The following IL1R1 variants were observed in gnomAD, a reference collection of about 807,000 sequenced individuals.
IL1R1 encodes the protein interleukin-1 receptor type 1.
IL1R1 carries 22 observed loss-of-function variants against 50.2 expected under a neutral mutation model. That is an observed-to-expected ratio of 0.44 (90% CI 0.31 to 0.63). The LOEUF (loss-of-function observed/expected upper bound fraction) is 0.63. Among genes scored for constraint, IL1R1 ranks in the 20% least tolerant of loss-of-function variants. The pLI is 0.07. For synonymous variants in IL1R1, 251 were observed against 236.7 expected (o/e 1.06, Z -0.55); for missense variants, 509 against 676.2 (o/e 0.75, Z 2.74).
intron 1 of IL1R1, among the ~76,000 whole-genome samples, chr2:102,074,733 G>T (rs1678887603): frequency 6.6e-6 from 1 of 152,208 alleles, no homozygotes; most frequent in Admixed American, 6.5e-5. Flanking sequence ...TGAAGAGGTA[G>T]AAGGAATTTT....
chr2:102,119,700 G>C (rs1000462697), intron 1 of IL1R1, among the ~76,000 whole-genome samples: 3 of 149,986 alleles, frequency 2.0e-5, no homozygotes, highest in African/African-American at 7.3e-5. Context: ...TATATTTAAG[G>C]TATACAACAT....
At chr2:102,075,030 T>A (rs368492855) in intron 1 of IL1R1, among the ~76,000 whole-genome samples, 4 of 152,312 alleles carry the variant, frequency 2.6e-5, no homozygotes. Flanking sequence ...TTATGCGTAT[T>A]CTTTATACAT....
At chr2:102,171,249 T>A (rs1685648283) in intron 7 of IL1R1, among the ~76,000 whole-genome samples, 1 of 152,130 alleles carries the variant, frequency 6.6e-6, no homozygotes, top group Admixed American at 6.5e-5. Flanking sequence ...TATCTGGTGG[T>A]TTTGGGGAAA....
At chr2:102,071,146 A>C (rs191618650) in intron 1 of IL1R1, among the ~76,000 whole-genome samples, 2 of 152,324 alleles carry the variant, frequency 1.3e-5, no homozygotes, top group Admixed American at 1.3e-4. Context: ...TCCAAAGCTG[A>C]AATATATTTG....
rs376786436 is a variant in IL1R1, at chr2:102,083,722, G to C, written c.-84+13189G>C. Among the ~76,000 whole-genome samples, 6 of 152,216 alleles carry C rather than the reference G, an allele frequency of 3.9e-5. No individual in the cohort carries two copies. The East Asian group carries it at 1.2e-3, about 29-fold the overall frequency. ...GCACTTTGGGACGCCGAGGCAGGTG[G>C]ATCACGAGGTCAGGAGTTCAAGACC... is the stretch of plus-strand genomic sequence containing the variant. On this transcript the variant is annotated intron_variant, in intron 1 of 11. Transcript: ENST00000409929.
intron 1 of IL1R1, among the ~76,000 whole-genome samples, chr2:102,124,068 G>A (rs1681552220): frequency 6.6e-6 from 1 of 152,128 alleles, no homozygotes; most frequent in Admixed American, 6.6e-5. Flanking sequence ...GGTTAGACAA[G>A]GGTGCTGTGG....
chr2:102,127,549 C>G (rs539366153), intron 1 of IL1R1, among the ~76,000 whole-genome samples: 36 of 152,106 alleles, frequency 2.4e-4, no homozygotes, highest in African/African-American at 8.0e-4. Flanking sequence ...AGGGGGTAGA[C>G]AGTTAATTAA....
At chr2:102,120,752 G>A (rs573625535) in intron 1 of IL1R1, among the ~76,000 whole-genome samples, 6 of 152,298 alleles carry the variant, frequency 3.9e-5, no homozygotes, top group Admixed American at 3.3e-4. Flanking sequence ...TGTTTGTCAT[G>A]TATTATCCCT....
chr2:102,121,633 C>T (rs1681413057), intron 1 of IL1R1, among the ~76,000 whole-genome samples: 1 of 152,190 alleles, frequency 6.6e-6, no homozygotes, highest in African/African-American at 2.4e-5. Context: ...TGGGTCCAGT[C>T]TTCCTCCATG....
chr2:102,082,155 T>G (rs374664232), intron 1 of IL1R1, among the ~76,000 whole-genome samples: 35 of 152,296 alleles, frequency 2.3e-4, no homozygotes, highest in African/African-American at 7.7e-4. Flanking sequence ...CTTCTTGGCT[T>G]TATAACTATC....
At chr2:102,142,418 G>T (rs1382436047), upstream of IL1R1, 1 of 152,188 alleles carries the variant, frequency 6.6e-6, no homozygotes. Context: ...TCGCAGCCAG[G>T]CTCCATGGGG....
chr2:102,071,903 C>T (rs1559446573), intron 1 of IL1R1, among the ~76,000 whole-genome samples: 2 of 152,144 alleles, frequency 1.3e-5, no homozygotes, highest in Non-Finnish European at 2.9e-5. Flanking sequence ...GACTATACAT[C>T]CTCCACAATG....
chr2:102,080,628 T>C (rs1679163162), intron 1 of IL1R1, among the ~76,000 whole-genome samples: 2 of 152,218 alleles, frequency 1.3e-5, no homozygotes, highest in South Asian at 2.1e-4. Context: ...GAATGTAAGA[T>C]GGTACAGCTA....
chr2:102,071,377 A>C (rs867308788), intron 1 of IL1R1, among the ~76,000 whole-genome samples: 1 of 149,064 alleles, frequency 6.7e-6, no homozygotes, highest in Non-Finnish European at 1.5e-5. Flanking sequence ...ATGGACATCT[A>C]TTTGTGGCAC....
At chr2:102,111,113 C>T (rs1680736806) in intron 1 of IL1R1, among the ~76,000 whole-genome samples, 1 of 152,056 alleles carries the variant, frequency 6.6e-6, no homozygotes, top group Non-Finnish European at 1.5e-5. Flanking sequence ...GAGGCAGAGG[C>T]CAGAGCATGG....
chr2:102,157,575 T>G, intron 2 of IL1R1, 144 bp from the exon 3 acceptor site: 1 of 657,568 alleles, frequency 1.5e-6, no homozygotes, highest in Non-Finnish European at 2.7e-6. Flanking sequence ...ATGACAACAT[T>G]CATGATGTAG....
intron 1 of IL1R1, among the ~76,000 whole-genome samples, chr2:102,076,157 T>C (rs1341757851): frequency 6.7e-6 from 1 of 149,574 alleles, no homozygotes; most frequent in African/African-American, 2.5e-5. Context: ...CCCATGTAGT[T>C]ACCATTTCTA....
intron 1 of IL1R1, among the ~76,000 whole-genome samples, chr2:102,121,809 T>C (rs1681422376): frequency 6.6e-6 from 1 of 152,252 alleles, no homozygotes; most frequent in Non-Finnish European, 1.5e-5. Context: ...TTTTTTCTTA[T>C]TGTACATATT....
chr2:102,130,890 A>C (rs1160055050), intron 1 of IL1R1, among the ~76,000 whole-genome samples: 2 of 152,162 alleles, frequency 1.3e-5, no homozygotes, highest in African/African-American at 2.4e-5. Context: ...GGTTTTTAAG[A>C]ATTGGACATC....
Sources: gnomAD v4.1 joint callset for allele counts (sites outside exome capture counted in the v4.1 genomes callset) on GRCh38, gnomAD v4.1.1 for gene constraint, MANE v1.5 for transcripts, NCBI Gene and HGNC (gene_info 2026-07-23, HGNC 2026-07-21) for gene names.